The following PRKG1 variants were observed in gnomAD, a reference collection of about 807,000 sequenced individuals.
PRKG1 encodes protein kinase cGMP-dependent 1.
In PRKG1, 35 loss-of-function variants were observed where a neutral mutation model predicts 88.1. The observed-to-expected ratio is 0.40, with a 90% CI of 0.30 to 0.53. The LOEUF (loss-of-function observed/expected upper bound fraction) is 0.53, where lower values mean the gene tolerates loss of function less well. PRKG1 is among the 20% of genes least tolerant of loss of function. The pLI, the probability that PRKG1 is intolerant of heterozygous loss-of-function variation, is 0.59. For missense variants in PRKG1, 540 were observed against 839.8 expected (o/e 0.64, Z 4.41); for synonymous variants, 303 against 292.5 (o/e 1.04, Z -0.37).
At chr10:51,045,996 T>G (rs2132763402) in intron 1 of PRKG1, among the ~76,000 whole-genome samples, 1 of 152,344 alleles carries the variant, frequency 6.6e-6, no homozygotes, top group South Asian at 2.1e-4. Flanking sequence ...GCTACTCTTT[T>G]ACTAAGCAAT....
At chr10:52,157,306 G>GATATATATATATATATATATATAT (rs142784154) in intron 8 of PRKG1, among the ~76,000 whole-genome samples, 3 of 125,936 alleles carry the variant, frequency 2.4e-5, no homozygotes, top group Admixed American at 8.5e-5. Flanking sequence ...TGAGTTAGTT[G>GATATATATATATATATATATATAT]ATATATATAT....
In PRKG1 at chr10:51,321,183, A is replaced by G. The variant is rs576300099; in HGVS notation, c.479-146540A>G. Among the ~76,000 whole-genome samples, 4 of 152,300 alleles carry G rather than the reference A, an allele frequency of 2.6e-5. No individual in the cohort carries two copies. In the East Asian group the frequency reaches 7.7e-4, roughly 29 times the overall value. On this transcript the variant is annotated intron_variant, in intron 2 of 17. Coordinates refer to ENST00000373980, the MANE Select transcript of PRKG1 (RefSeq NM_006258.4). ...AAGTTAGTATTAGTGTGGTCTTTGA[A>G]GCCAAACTGACCTCTTTACATAACT... is the stretch of plus-strand genomic sequence containing the variant.
intron 10 of PRKG1, among the ~76,000 whole-genome samples, chr10:52,255,480 C>T (rs573486401): frequency 9.9e-5 from 15 of 151,996 alleles, no homozygotes; most frequent in African/African-American, 2.7e-4. Context: ...TATACCAGAG[C>T]GGCAAACTTG....
intron 7 of PRKG1, among the ~76,000 whole-genome samples, chr10:52,082,068 A>C (rs550245995): frequency 6.6e-6 from 1 of 152,116 alleles, no homozygotes; most frequent in African/African-American, 2.4e-5. Flanking sequence ...TGTACAGGGA[A>C]GCAAACACAT....
chr10:51,234,338 T>G (rs1458077354), intron 2 of PRKG1, among the ~76,000 whole-genome samples: 3 of 152,196 alleles, frequency 2.0e-5, no homozygotes, highest in Non-Finnish European at 4.4e-5. Context: ...TGAGCTAGTC[T>G]TTTCTGCCCA....
intron 5 of PRKG1, among the ~76,000 whole-genome samples, chr10:52,023,301 T>A (rs1378205299): frequency 1.3e-5 from 2 of 152,226 alleles, no homozygotes; most frequent in Non-Finnish European, 2.9e-5. Flanking sequence ...ACATTTTCTT[T>A]ATCCAGTCTA....
intron 3 of PRKG1, among the ~76,000 whole-genome samples, chr10:51,586,736 G>T (rs1385848614): frequency 2.6e-5 from 4 of 152,032 alleles, no homozygotes; most frequent in Non-Finnish European, 4.4e-5. Flanking sequence ...TTTTCCTACT[G>T]TCTGATACCC....
intron 6 of PRKG1, among the ~76,000 whole-genome samples, chr10:52,060,811 C>T (rs1308767864): frequency 2.0e-5 from 3 of 151,890 alleles, no homozygotes; most frequent in African/African-American, 7.2e-5. Flanking sequence ...CTAGTGAACT[C>T]TTACCCATGG....
intron 3 of PRKG1, among the ~76,000 whole-genome samples, chr10:51,485,543 C>A (rs1231109868): frequency 6.6e-6 from 1 of 152,120 alleles, no homozygotes. Flanking sequence ...TGAAGAAAGA[C>A]AGCCCACATA....
At chr10:51,593,761 G>A (rs776568788) in intron 3 of PRKG1, among the ~76,000 whole-genome samples, 2 of 151,686 alleles carry the variant, frequency 1.3e-5, no homozygotes, top group Non-Finnish European at 2.9e-5. Flanking sequence ...GTCTCGGTCT[G>A]TCACCCAGGC....
chr10:51,145,649 A>G (rs1021244598), intron 1 of PRKG1, among the ~76,000 whole-genome samples: 4 of 152,182 alleles, frequency 2.6e-5, no homozygotes, highest in African/African-American at 9.7e-5. Context: ...TGACTTGAAT[A>G]GTTGAATGGG....
intron 2 of PRKG1, among the ~76,000 whole-genome samples, chr10:51,423,030 C>A (rs149650095): frequency 6.6e-6 from 1 of 150,570 alleles, no homozygotes; most frequent in Non-Finnish European, 1.5e-5. Context: ...CGGTTCCTTA[C>A]TTATAGAAGC....
At chr10:51,042,139 C>T (rs1034902352) in intron 1 of PRKG1, among the ~76,000 whole-genome samples, 2 of 152,182 alleles carry the variant, frequency 1.3e-5, no homozygotes, top group African/African-American at 4.8e-5. Flanking sequence ...TCTTCTCTTC[C>T]TCTTTACTTA....
intron 3 of PRKG1, among the ~76,000 whole-genome samples, chr10:51,522,098 G>T (rs1841750944): frequency 2.6e-5 from 4 of 152,098 alleles, no homozygotes; most frequent in Admixed American, 2.6e-4. Flanking sequence ...AAGATCAGAA[G>T]AATTCATGGC....
intron 2 of PRKG1, among the ~76,000 whole-genome samples, chr10:51,459,703 A>G (rs781272950): frequency 6.6e-6 from 1 of 152,170 alleles, no homozygotes; most frequent in African/African-American, 2.4e-5. Flanking sequence ...TGGTGGAGCC[A>G]GGATCTGAAA....
chr10:52,290,007 G>A (rs1842203991), intron 16 of PRKG1, among the ~76,000 whole-genome samples: 1 of 152,158 alleles, frequency 6.6e-6, no homozygotes, highest in South Asian at 2.1e-4. Context: ...AGTGTTGCAT[G>A]TTAATTGGTG....
At chr10:51,194,011 C>A (rs12242341) in intron 2 of PRKG1, among the ~76,000 whole-genome samples, 1 of 152,228 alleles carries the variant, frequency 6.6e-6, no homozygotes, top group East Asian at 1.9e-4. Flanking sequence ...AGAATGTTTT[C>A]TCCTTAGTAG....
At chr10:51,227,292 G>A (rs1261287570) in intron 2 of PRKG1, among the ~76,000 whole-genome samples, 1 of 151,926 alleles carries the variant, frequency 6.6e-6, no homozygotes, top group African/African-American at 2.4e-5. Context: ...AGAGAAAATA[G>A]TGAATGAATG....
chr10:51,245,340 G>A (rs915144446), intron 2 of PRKG1: 1 of 152,080 alleles, frequency 6.6e-6, no homozygotes, highest in African/African-American at 2.4e-5. Context: ...AGCCAGCAAA[G>A]TGCCAATGCA....
Sources: allele counts gnomAD v4.1 joint callset (sites outside exome capture counted in the v4.1 genomes callset), GRCh38; gene constraint gnomAD v4.1.1; transcripts MANE v1.5; gene names NCBI Gene and HGNC (gene_info 2026-07-23, HGNC 2026-07-21).